CCDC169: variants seen among roughly 807,000 people sequenced by gnomAD.
CCDC169 encodes the protein coiled-coil domain-containing protein 169.
A neutral mutation model predicts 36.0 loss-of-function variants in CCDC169; 30 were observed. The observed-to-expected ratio is 0.83, with a 90% CI of 0.62 to 1.13. The LOEUF (loss-of-function observed/expected upper bound fraction) is 1.13. CCDC169 is among the 50% of genes most tolerant of loss of function. The pLI is 0.00. For missense variants in CCDC169, 245 were observed against 245.9 expected (o/e 1.00, Z 0.03); for synonymous variants, 85 against 81.5 (o/e 1.04, Z -0.23).
At chr13:36,224,738 T>C (rs760114443), downstream of CCDC169, 12 of 152,202 alleles carry the variant, frequency 7.9e-5, no homozygotes, top group Non-Finnish European at 1.2e-4. Context: ...ACAGATTCAA[T>C]GCTATTCCTA....
chr13:36,284,741 T>C (rs150689903), intron 2 of CCDC169, among the ~76,000 whole-genome samples: 1 of 152,186 alleles, frequency 6.6e-6, no homozygotes. Flanking sequence ...GGCTTCTTTT[T>C]CAACTTTAAA....
chr13:36,253,297 A>G (rs1873400071), intron 6 of CCDC169, among the ~76,000 whole-genome samples: 1 of 152,146 alleles, frequency 6.6e-6, no homozygotes, highest in Non-Finnish European at 1.5e-5. Context: ...AAGCAAATAC[A>G]AAAAATAACC....
intron 1 of CCDC169, among the ~76,000 whole-genome samples, chr13:36,296,427 C>T (rs568103103): frequency 6.1e-4 from 93 of 152,208 alleles, no homozygotes; most frequent in Middle Eastern, 3.4e-3. Flanking sequence ...TAAATATCAT[C>T]CTAAAGAAGT....
At chr13:36,289,993 T>G (rs1440097532) in intron 2 of CCDC169, among the ~76,000 whole-genome samples, 1 of 152,210 alleles carries the variant, frequency 6.6e-6, no homozygotes, top group Admixed American at 6.5e-5. Flanking sequence ...AGTCAAGTCA[T>G]AGACTCCAGT....
downstream of CCDC169, chr13:36,227,378 G>A: frequency 6.5e-7 from 1 of 1,543,662 alleles, no homozygotes; most frequent in Non-Finnish European, 8.7e-7. Flanking sequence ...CTTTTAAGAG[G>A]AGGCTGTTTG....
intron 4 of CCDC169, among the ~76,000 whole-genome samples, chr13:36,255,361 G>T (rs1873735214): frequency 6.6e-6 from 1 of 152,078 alleles, no homozygotes; most frequent in Non-Finnish European, 1.5e-5. Context: ...CTGTGCCCTT[G>T]CACCCTGCAG....
chr13:36,251,212 C>T (rs1479058511), intron 6 of CCDC169, among the ~76,000 whole-genome samples: 1 of 152,214 alleles, frequency 6.6e-6, no homozygotes, highest in Non-Finnish European at 1.5e-5. Flanking sequence ...ATAAACAGCA[C>T]ACTCAGCAAA....
intron 4 of CCDC169, among the ~76,000 whole-genome samples, chr13:36,261,386 C>T (rs1874584338): frequency 6.6e-6 from 1 of 152,166 alleles, no homozygotes; most frequent in African/African-American, 2.4e-5. Context: ...TGCTTGGTGG[C>T]AAGCTGATTA....
intron 7 of CCDC169, chr13:36,240,814 C>T (rs979408016): frequency 8.3e-6 from 2 of 240,482 alleles, no homozygotes; most frequent in South Asian, 4.5e-5. Context: ...ACACCATGGG[C>T]GACAGTCAAT....
chr13:36,256,033 C>A (rs1245081145), intron 4 of CCDC169, among the ~76,000 whole-genome samples: 2 of 152,320 alleles, frequency 1.3e-5, no homozygotes, highest in East Asian at 3.9e-4. Context: ...CCTGCTCCAG[C>A]CTTTCCTTCT....
rs545900008 is a variant in CCDC169, at chr13:36,289,262, A to G, written c.164-5560T>C. 9.8e-5 allele frequency among the ~76,000 whole-genome samples: 15 copies of G among 152,310 alleles called. No individual in the cohort carries two copies. In the South Asian group the frequency reaches 3.1e-3, roughly 32 times the overall value. On this transcript the variant is annotated intron_variant, in intron 2 of 7. Coordinates refer to ENST00000239859, the MANE Select transcript of CCDC169 (RefSeq NM_001144981.3). ...CTTTTTCTCCCCCTGAGAAGGTCTGAGATGACAGCTCTCTCCTTCAGCTTC... is the reference window on the plus strand; with the variant it reads ...CTTTTTCTCCCCCTGAGAAGGTCTGGGATGACAGCTCTCTCCTTCAGCTTC...
chr13:36,283,913 C>G (rs547630832), intron 2 of CCDC169, among the ~76,000 whole-genome samples: 1 of 152,300 alleles, frequency 6.6e-6, no homozygotes, highest in Non-Finnish European at 1.5e-5. Context: ...GGCTACCAAA[C>G]AGCCAAACCT....
At chr13:36,272,120 T>G (rs1352216992) in intron 4 of CCDC169, among the ~76,000 whole-genome samples, 1 of 143,218 alleles carries the variant, frequency 7.0e-6, no homozygotes, top group East Asian at 2.1e-4. Flanking sequence ...AATAAATAAA[T>G]AAAATAAAAT....
intron 4 of CCDC169, among the ~76,000 whole-genome samples, chr13:36,279,541 G>C (rs1008350968): frequency 2.0e-5 from 3 of 152,262 alleles, no homozygotes. Flanking sequence ...AGAATTACCT[G>C]AAGAGTTAAT....
chr13:36,278,022 A>G (rs1877054463), intron 4 of CCDC169, among the ~76,000 whole-genome samples: 1 of 152,168 alleles, frequency 6.6e-6, no homozygotes, highest in African/African-American at 2.4e-5. Context: ...GATTCAGAAG[A>G]TTCACAACTT....
At chr13:36,227,381 G>C (rs1232443673), downstream of CCDC169, 2 of 1,542,644 alleles carry the variant, frequency 1.3e-6, no homozygotes, top group Non-Finnish European at 1.8e-6. Flanking sequence ...TTAAGAGGAG[G>C]CTGTTTGAAG....
chr13:36,291,303 T>G (rs1878865708), intron 2 of CCDC169, among the ~76,000 whole-genome samples: 1 of 140,784 alleles, frequency 7.1e-6, no homozygotes, highest in South Asian at 2.3e-4. Context: ...CAAATTTATT[T>G]TATTCTAGAG....
In CCDC169 at chr13:36,277,838, G is replaced by A. The variant is rs147498554; in HGVS notation, c.315+5631C>T. On this transcript the variant is annotated intron_variant, in intron 4 of 7. Transcript: ENST00000239859. ...CAGGCACCTGTAATCCCAGCTACTC[G>A]GGAGGCTGAGGCAGGAGAATCGCTT... Among the ~76,000 whole-genome samples the A allele has an allele frequency of 5.3e-3, 802 of 152,010 alleles. 14 individuals are homozygous for A. Among genetic ancestry groups the A allele is most frequent in the African/African-American group, 0.018 (763 of 41,436 alleles).
At chr13:36,228,223 C>A (rs7997336), downstream of CCDC169, among the ~76,000 whole-genome samples, 61,605 of 151,900 alleles carry the variant, frequency 0.41, 13,263 homozygotes, top group Non-Finnish European at 0.48. Context: ...CTATGTTTAA[C>A]CTTTTGAGGA....
Sources: allele counts gnomAD v4.1 joint callset (sites outside exome capture counted in the v4.1 genomes callset), GRCh38; gene constraint gnomAD v4.1.1; transcripts MANE v1.5; gene names NCBI Gene and HGNC (gene_info 2026-07-23, HGNC 2026-07-21).